The following GRID2 variants were observed in gnomAD, a reference collection of about 807,000 sequenced individuals.
The protein encoded by GRID2 is glutamate receptor ionotropic, delta-2.
In GRID2, 33 loss-of-function variants were observed where a neutral mutation model predicts 114.8. That is an observed-to-expected ratio of 0.29 (90% CI 0.22 to 0.38). GRID2 has a LOEUF of 0.38. GRID2 is among the 10% of genes least tolerant of loss of function. The pLI is 1.00. For missense variants in GRID2, 1,184 were observed against 1,257.7 expected (o/e 0.94, Z 0.89); for synonymous variants, 505 against 449.9 (o/e 1.12, Z -1.55).
intron 2 of GRID2, among the ~76,000 whole-genome samples, chr4:93,076,078 A>G (rs1025618449): frequency 4.0e-5 from 6 of 151,356 alleles, no homozygotes; most frequent in Non-Finnish European, 8.8e-5. Context: ...AATTTTTTGT[A>G]TTTTTAGTAG....
At chr4:93,399,658 T>C (rs1421935369) in intron 9 of GRID2, among the ~76,000 whole-genome samples, 2 of 152,052 alleles carry the variant, frequency 1.3e-5, no homozygotes, top group African/African-American at 4.8e-5. Flanking sequence ...ATAGTAGTAG[T>C]GAGCTACAGT....
At chr4:93,534,639 C>T (rs1731842219) in intron 13 of GRID2, among the ~76,000 whole-genome samples, 1 of 152,018 alleles carries the variant, frequency 6.6e-6, no homozygotes, top group Non-Finnish European at 1.5e-5. Flanking sequence ...AAATAACCCC[C>T]AAAAAATTAA....
At chr4:92,700,880 T>C (rs1734641043) in intron 2 of GRID2, among the ~76,000 whole-genome samples, 1 of 151,504 alleles carries the variant, frequency 6.6e-6, no homozygotes, top group Admixed American at 6.6e-5. Flanking sequence ...TAGTCCCAGC[T>C]ACGCGGGAGG....
At chr4:92,383,255 A>G (rs1729706020) in intron 1 of GRID2, among the ~76,000 whole-genome samples, 2 of 151,990 alleles carry the variant, frequency 1.3e-5, no homozygotes, top group Admixed American at 6.6e-5. Flanking sequence ...GTGGGGACAC[A>G]GCTCCAAAAC....
chr4:93,026,495 G>A (rs528753071), intron 2 of GRID2, among the ~76,000 whole-genome samples: 1 of 151,914 alleles, frequency 6.6e-6, no homozygotes, highest in African/African-American at 2.4e-5. Flanking sequence ...TACAATGTGT[G>A]AACAAAGAAG....
At chr4:93,360,554 A>G (rs749910996) in intron 8 of GRID2, among the ~76,000 whole-genome samples, 22 of 151,944 alleles carry the variant, frequency 1.4e-4, no homozygotes, top group Non-Finnish European at 2.4e-4. Context: ...CAGTAGTTTT[A>G]AAAATATATA....
At chr4:92,967,354 A>G (rs533912985) in intron 2 of GRID2, among the ~76,000 whole-genome samples, 2 of 152,130 alleles carry the variant, frequency 1.3e-5, no homozygotes, top group South Asian at 4.1e-4. Context: ...GATGCTTCAC[A>G]GTAAAATTCA....
intron 8 of GRID2, chr4:93,306,449 G>A (rs567900370): frequency 3.3e-5 from 5 of 152,314 alleles, no homozygotes; most frequent in African/African-American, 1.2e-4. Context: ...GGAAGGGAAG[G>A]TGGAAGAAAA....
At chr4:92,757,623 T>C (rs1737789279) in intron 2 of GRID2, among the ~76,000 whole-genome samples, 1 of 151,918 alleles carries the variant, frequency 6.6e-6, no homozygotes, top group South Asian at 2.1e-4. Context: ...TAAGATCATC[T>C]ATGAAAAGAG....
At chr4:92,850,490 G>C (rs1410987678) in intron 2 of GRID2, among the ~76,000 whole-genome samples, 3 of 151,804 alleles carry the variant, frequency 2.0e-5, no homozygotes, top group Non-Finnish European at 4.4e-5. Context: ...CATAGATATG[G>C]TTTTATTTGC....
intron 2 of GRID2, among the ~76,000 whole-genome samples, chr4:92,971,169 G>A (rs1419305498): frequency 1.3e-5 from 2 of 152,008 alleles, no homozygotes; most frequent in Non-Finnish European, 2.9e-5. Context: ...AAGTAGCAAT[G>A]ATAGGATAAG....
chr4:92,679,816 A>G (rs1157700474), intron 2 of GRID2, among the ~76,000 whole-genome samples: 2 of 152,076 alleles, frequency 1.3e-5, no homozygotes, highest in Non-Finnish European at 2.9e-5. Flanking sequence ...CCACTAATAG[A>G]AAATAAGAAA....
chr4:93,309,666 A>G (rs1012861638), intron 8 of GRID2, among the ~76,000 whole-genome samples: 9 of 152,166 alleles, frequency 5.9e-5, no homozygotes, highest in East Asian at 1.9e-4. Flanking sequence ...CTGTCTATCA[A>G]TTCTAGAATA....
At chr4:93,662,080 G>T (rs957915160) in intron 14 of GRID2, among the ~76,000 whole-genome samples, 3 of 151,882 alleles carry the variant, frequency 2.0e-5, no homozygotes, top group Non-Finnish European at 4.4e-5. Context: ...AACATCCCAG[G>T]CAGCTTCCTG....
chr4:92,493,611 A>G (rs377545232), intron 1 of GRID2, among the ~76,000 whole-genome samples: 1 of 152,122 alleles, frequency 6.6e-6, no homozygotes. Context: ...CTGCTAATCA[A>G]TTTCTAAAAT....
intron 8 of GRID2, among the ~76,000 whole-genome samples, chr4:93,260,633 G>C (rs934418701): frequency 6.6e-5 from 10 of 151,720 alleles, no homozygotes; most frequent in African/African-American, 1.9e-4. Context: ...ATAAGTCATT[G>C]CTCTGTAACC....
intron 1 of GRID2, among the ~76,000 whole-genome samples, chr4:92,534,803 C>A (rs543572861): frequency 3.2e-4 from 49 of 152,136 alleles, no homozygotes; most frequent in African/African-American, 8.7e-4. Flanking sequence ...TATTTTCCCA[C>A]CTTTATTAAA....
chr4:92,306,233 T>C (rs759432552), intron 1 of GRID2, among the ~76,000 whole-genome samples: 3 of 152,244 alleles, frequency 2.0e-5, no homozygotes, highest in Non-Finnish European at 2.9e-5. Flanking sequence ...AGTAGAACTG[T>C]CTGTCTCTGT....
chr4:92,307,957 A>G (rs1725495382), intron 1 of GRID2, among the ~76,000 whole-genome samples: 1 of 152,184 alleles, frequency 6.6e-6, no homozygotes, highest in African/African-American at 2.4e-5. Context: ...AAGTTTCCTA[A>G]TGATCTGCAT....
Sources: allele counts gnomAD v4.1 joint callset (sites outside exome capture counted in the v4.1 genomes callset), GRCh38; gene constraint gnomAD v4.1.1; transcripts MANE v1.5; gene names NCBI Gene and HGNC (gene_info 2026-07-23, HGNC 2026-07-21).